The following SCFD2 variants were observed in gnomAD, a reference collection of about 807,000 sequenced individuals.
SCFD2 encodes sec1 family domain containing 2, also known as sec1 family domain-containing protein 2.
A neutral mutation model predicts 58.9 loss-of-function variants in SCFD2; 54 were observed. The ratio of observed to expected loss-of-function variants is 0.92; its 90% CI spans 0.74 to 1.15. The LOEUF (loss-of-function observed/expected upper bound fraction) is 1.15. SCFD2 is among the 50% of genes most tolerant of loss of function. The pLI is 0.00. For missense variants in SCFD2, 805 were observed against 836.6 expected (o/e 0.96, Z 0.47); for synonymous variants, 321 against 335.9 (o/e 0.96, Z 0.49).
At chr4:53,265,111 T>C (rs1400408077) in intron 4 of SCFD2, among the ~76,000 whole-genome samples, 1 of 152,212 alleles carries the variant, frequency 6.6e-6, no homozygotes, top group Non-Finnish European at 1.5e-5. Context: ...CATTGTTTGC[T>C]ATCATTTTAT....
In SCFD2 at chr4:53,361,158, T is replaced by C. The variant is rs1734538355; in HGVS notation, c.838+3946A>G. Among the ~76,000 whole-genome samples, 5 of 152,164 alleles carry C rather than the reference T, an allele frequency of 3.3e-5. No individual in the cohort carries two copies. The South Asian group carries it at 1.0e-3, about 31-fold the overall frequency. ...TGTAAAGAAAGTAAGGACTTTACAC[T>C]AACAATACAAAACTAACTCTCTCTT... On this transcript the variant is annotated intron_variant, in intron 1 of 8. Transcript: ENST00000401642.
At chr4:53,221,484 A>T (rs1392656555) in intron 4 of SCFD2, among the ~76,000 whole-genome samples, 1 of 152,238 alleles carries the variant, frequency 6.6e-6, no homozygotes, top group Non-Finnish European at 1.5e-5. Flanking sequence ...ATAAATTTAA[A>T]TCTTGCTAAT....
At chr4:53,154,796 G>C (rs376497948) in intron 4 of SCFD2, among the ~76,000 whole-genome samples, 6 of 152,262 alleles carry the variant, frequency 3.9e-5, no homozygotes, top group African/African-American at 1.2e-4. Flanking sequence ...CTAATCATAT[G>C]AGTGCTTAAA....
At chr4:53,220,578 G>A (rs1359562618) in intron 4 of SCFD2, among the ~76,000 whole-genome samples, 4 of 144,094 alleles carry the variant, frequency 2.8e-5, no homozygotes, top group African/African-American at 7.4e-5. Flanking sequence ...CAGGTATTCA[G>A]TTACTCAAAG....
intron 5 of SCFD2, among the ~76,000 whole-genome samples, chr4:52,964,152 T>C (rs1189404406): frequency 6.6e-6 from 1 of 152,216 alleles, no homozygotes; most frequent in Non-Finnish European, 1.5e-5. Flanking sequence ...ATTTTAGAAA[T>C]GGAAAGCCTC....
chr4:52,894,844 G>A (rs1193793154), intron 7 of SCFD2, among the ~76,000 whole-genome samples: 1 of 152,168 alleles, frequency 6.6e-6, no homozygotes, highest in African/African-American at 2.4e-5. Flanking sequence ...CTTACTTTAT[G>A]GGACTTGATG....
At chr4:53,093,787 T>C (rs894374153) in intron 5 of SCFD2, among the ~76,000 whole-genome samples, 5 of 152,078 alleles carry the variant, frequency 3.3e-5, no homozygotes, top group Admixed American at 1.3e-4. Context: ...TGTGTAGAGA[T>C]GTATATCTTT....
chr4:53,070,632 G>T (rs1723788011), intron 5 of SCFD2, among the ~76,000 whole-genome samples: 2 of 152,026 alleles, frequency 1.3e-5, no homozygotes, highest in South Asian at 4.2e-4. Flanking sequence ...TGTCTGTGCT[G>T]TGTACATAAT....
chr4:53,063,833 A>G (rs370966237), intron 5 of SCFD2, among the ~76,000 whole-genome samples: 9 of 152,234 alleles, frequency 5.9e-5, no homozygotes, highest in South Asian at 4.1e-4. Flanking sequence ...ATGAACATGA[A>G]CAGTTCTTGG....
At chr4:53,048,846 C>T (rs1723113737) in intron 5 of SCFD2, among the ~76,000 whole-genome samples, 1 of 152,260 alleles carries the variant, frequency 6.6e-6, no homozygotes, top group African/African-American at 2.4e-5. Context: ...CTCTGCCTCC[C>T]CATTTCCTGT....
intron 5 of SCFD2, among the ~76,000 whole-genome samples, chr4:52,991,543 T>TG (rs1474150673): frequency 6.6e-6 from 1 of 152,038 alleles, no homozygotes; most frequent in Non-Finnish European, 1.5e-5. Context: ...GGCTTGGCCT[T>TG]GGGGGACAAG....
At chr4:53,278,998 T>A (rs1471841839) in intron 3 of SCFD2, among the ~76,000 whole-genome samples, 1 of 151,846 alleles carries the variant, frequency 6.6e-6, no homozygotes, top group African/African-American at 2.4e-5. Context: ...GCAGTAAGAC[T>A]AACCACTGAA....
chr4:53,014,850 G>A (rs1352609565), intron 5 of SCFD2, among the ~76,000 whole-genome samples: 1 of 152,162 alleles, frequency 6.6e-6, no homozygotes, highest in East Asian at 1.9e-4. Context: ...GCTTGCTTTG[G>A]TACAGACGGT....
intron 2 of SCFD2, among the ~76,000 whole-genome samples, chr4:53,337,775 T>G (rs2149141545): frequency 6.6e-6 from 1 of 152,288 alleles, no homozygotes. Flanking sequence ...TTCAAAACCT[T>G]TATGCCTAGT....
At chr4:53,350,393 C>A (rs1242858566) in intron 2 of SCFD2, among the ~76,000 whole-genome samples, 1 of 152,166 alleles carries the variant, frequency 6.6e-6, no homozygotes, top group African/African-American at 2.4e-5. Flanking sequence ...ATGTCAATGC[C>A]TTAAACAGGT....
intron 4 of SCFD2, among the ~76,000 whole-genome samples, chr4:53,252,792 A>C (rs1441641386): frequency 6.6e-6 from 1 of 152,226 alleles, no homozygotes; most frequent in Non-Finnish European, 1.5e-5. Flanking sequence ...ACCCTAGAAG[A>C]AAACCTAGGC....
At chr4:52,988,339 G>A (rs553095775) in intron 5 of SCFD2, among the ~76,000 whole-genome samples, 1 of 152,302 alleles carries the variant, frequency 6.6e-6, no homozygotes, top group Non-Finnish European at 1.5e-5. Flanking sequence ...TGGGGTAGGG[G>A]AAGAACTGGA....
Position 53,313,628 on chromosome 4 carries a change from A to C in SCFD2, c.1135+8T>G. On this transcript the variant is annotated splice_region_variant and intron_variant, in intron 3 of 8. Transcript: ENST00000401642. ...CAGAGGCTGCCTGTGTCCTAGGTTT[A>C]GGCTTACCCATACTCATCTTGATTG... 6.2e-7 allele frequency: 1 copy of C among 1,613,848 alleles called. No homozygotes were observed. Among genetic ancestry groups the C allele is most frequent in the South Asian group, 1.1e-5 (1 of 91,076 alleles).
chr4:53,119,459 C>T (rs573996965), intron 5 of SCFD2, among the ~76,000 whole-genome samples: 3 of 151,992 alleles, frequency 2.0e-5, no homozygotes, highest in South Asian at 2.1e-4. Flanking sequence ...CCAGCCTGGG[C>T]GACAGAACGA....
Sources: gnomAD v4.1 joint callset for allele counts (sites outside exome capture counted in the v4.1 genomes callset) on GRCh38, gnomAD v4.1.1 for gene constraint, MANE v1.5 for transcripts, NCBI Gene and HGNC (gene_info 2026-07-23, HGNC 2026-07-21) for gene names.